Variants in DDX25 observed in about 807,000 individuals in gnomAD.
DDX25 encodes DEAD-box helicase 25, also known as ATP-dependent RNA helicase DDX25.
Under a neutral mutation model 64.6 loss-of-function variants are expected in DDX25, and 70 were observed. That is an observed-to-expected ratio of 1.08 (90% CI 0.89 to 1.32). DDX25 has a LOEUF of 1.32. Ranked by LOEUF, DDX25 falls within the 40% of genes most tolerant of loss-of-function variation. DDX25 has a pLI of 0.00. For missense variants in DDX25, 587 were observed against 604.4 expected, an observed-to-expected ratio of 0.97 and a Z score of 0.30; for synonymous variants, 211 against 213.3, an observed-to-expected ratio of 0.99 and a Z score of 0.09.
At chr11:125,913,030 C>T (rs1241444045) in intron 8 of DDX25, among the ~76,000 whole-genome samples, 3 of 151,756 alleles carry the variant, frequency 2.0e-5, no homozygotes, top group Non-Finnish European at 4.4e-5. Flanking sequence ...TGGTGGCAGA[C>T]GCCTGTAGTC....
intron 5 of DDX25, 34 bp from the exon 6 acceptor site, chr11:125,908,367 C>A: frequency 6.2e-7 from 1 of 1,613,370 alleles, no homozygotes; most frequent in African/African-American, 1.3e-5. Context: ...CTCTTGTATT[C>A]AGTTTATGCC....
Position 125,921,451 on chromosome 11 carries a change from C to T in DDX25, c.1390+72C>T. 2.6e-6 allele frequency: 4 copies of T among 1,522,010 alleles called. No homozygotes were observed. The highest frequency in any genetic ancestry group is 3.5e-6 in the Non-Finnish European group (4 of 1,130,282). 94.3% of individuals were successfully genotyped at this position (1,522,010 alleles called of 1,614,324 possible). On this transcript the variant is annotated intron_variant, in intron 11 of 11. Coordinates refer to ENST00000263576, the MANE Select transcript of DDX25 (RefSeq NM_013264.5). The surrounding 1 kb of genome is among the most constrained non-coding windows in gnomAD (Gnocchi z 4.1). Reference sequence around the variant, plus strand: ...GACAGTGATGATGTGTGCTGGAGAGCTGGAGTCCAGGGGCTCATGAGAGTA... The same window carrying T: ...GACAGTGATGATGTGTGCTGGAGAGTTGGAGTCCAGGGGCTCATGAGAGTA...
rs767768323 is a variant in DDX25 at position 125,917,284 on chromosome 11, A to G, written c.1038+33A>G. ...CTGTGGATGTGTCTTCATCGAGCCC[A>G]GATATGCCTACAGGCCGAGGTGGGG... On this transcript the variant is annotated intron_variant, in intron 9 of 11. Coordinates refer to ENST00000263576, the MANE Select transcript of DDX25 (RefSeq NM_013264.5). The G allele has an allele frequency of 2.2e-5, 34 of 1,559,224 alleles. 1 individual carries two copies. In the East Asian group the frequency reaches 8.0e-4, roughly 37 times the overall value.
intron 8 of DDX25, among the ~76,000 whole-genome samples, chr11:125,914,368 C>T (rs1056456622): frequency 6.6e-6 from 1 of 152,188 alleles, no homozygotes; most frequent in African/African-American, 2.4e-5. Context: ...TGGTTGCTGA[C>T]ATTCTGGGAG....
intron 3 of DDX25, 96 bp from the exon 4 acceptor site, chr11:125,905,978 C>A (rs1214100578): frequency 2.8e-6 from 4 of 1,407,244 alleles, no homozygotes; most frequent in Admixed American, 2.9e-5. Context: ...AGCGTAGGTG[C>A]AATTGCTTGG....
At chr11:125,915,847 G>A (rs1945030556) in intron 8 of DDX25, among the ~76,000 whole-genome samples, 1 of 152,192 alleles carries the variant, frequency 6.6e-6, no homozygotes, top group African/African-American at 2.4e-5. Context: ...TGCTCATGGT[G>A]TAGCTTCATC....
Position 125,906,093 on chromosome 11 carries a change from A to G in DDX25, c.195A>G (p.Ser65=). 4 of 1,535,850 alleles carry G rather than the reference A, an allele frequency of 2.6e-6. No homozygotes were observed. The highest frequency in any genetic ancestry group is 1.7e-6 in the Non-Finnish European group (2 of 1,143,194). ...EEDVVDLAAN[S]LLNKLIHQSL... ...TTCTAGTGGATTTGGCAGCTAATTC[A>G]CTCTTAAACAAGTTAATCCATCAAT... The change falls in exon 4 of 12, where the codon TCA becomes TCG. Residue 65 remains serine (S), a synonymous_variant. Transcript: ENST00000263576.
At chr11:125,908,339 TTTCAGTTTATGCCCACTCTCTTGTA>T (rs754590022) in intron 5 of DDX25, 37 bp from the exon 6 acceptor site, 7 of 1,613,000 alleles carry the variant, frequency 4.3e-6, no homozygotes, top group African/African-American at 1.3e-5. Context: ...AGTTTCTTAT[TTTCAGTTTATGCCCACTCTCTTGTA>T]TTCAGTTTAT....
intron 10 of DDX25, 83 bp downstream of exon 10, chr11:125,918,873 C>T (rs993557352): frequency 3.4e-5 from 48 of 1,411,700 alleles, no homozygotes; most frequent in South Asian, 1.5e-4. Flanking sequence ...TCGCGAGTTT[C>T]GACAAACATG....
rs1406000468 is a variant in DDX25 at position 125,926,326 on chromosome 11, CCT to C, written c.*3449_*3450del. On this transcript the variant is annotated 3_prime_UTR_variant, in exon 12 of 12. Coordinates refer to ENST00000263576, the MANE Select transcript of DDX25 (RefSeq NM_013264.5). ...AGGTCAGATCCTCTTCAATCCTAACCCTCTCACTTCAACTCTCCACTACTTCT... is the reference window on the plus strand; with the variant it reads ...AGGTCAGATCCTCTTCAATCCTAACCCTCACTTCAACTCTCCACTACTTCT... 6.6e-6 allele frequency: 1 copy of C among 152,154 alleles called. No homozygotes were observed. The highest frequency in any genetic ancestry group is 6.5e-5 in the Admixed American group (1 of 15,270). 9.4% of individuals were successfully genotyped at this position (152,154 alleles called of 1,614,324 possible).
At chr11:125,915,694 G>A (rs141995675) in intron 8 of DDX25, among the ~76,000 whole-genome samples, 1 of 152,344 alleles carries the variant, frequency 6.6e-6, no homozygotes, top group East Asian at 1.9e-4. Flanking sequence ...GGAATGCAGA[G>A]TTTTCCTCAT....
In DDX25 at chr11:125,923,237, G is replaced by A. The variant is rs1945136294; in HGVS notation, c.*356G>A. ...CACAAGAGGGCGGTAGAGCTTCGCTGATTTTGGAAGCGGAGCGAGTAGGAA... is the reference window on the plus strand; with the variant it reads ...CACAAGAGGGCGGTAGAGCTTCGCTAATTTTGGAAGCGGAGCGAGTAGGAA... On this transcript the variant is annotated 3_prime_UTR_variant, in exon 12 of 12. Transcript: ENST00000263576. 1.6e-5 allele frequency: 3 copies of A among 182,240 alleles called. No individual in the cohort carries two copies. Among genetic ancestry groups the A allele is most frequent in the Admixed American group, 6.0e-5 (1 of 16,644 alleles). The allele number at this position is 182,240 out of a possible 1,614,324, so 11.3% of individuals were successfully genotyped here.
chr11:125,927,196 C>T lies in DDX25; in HGVS notation c.*4315C>T, dbSNP rs1396796826. ...ACTTTTAGATTCTTCTAGTGAAATA[C>T]AGAAAACACACGTGAACTGGGATGA... On this transcript the variant is annotated 3_prime_UTR_variant, in exon 12 of 12. Coordinates refer to ENST00000263576, the MANE Select transcript of DDX25 (RefSeq NM_013264.5). The T allele has an allele frequency of 2.0e-5, 3 of 152,220 alleles. No homozygotes were observed. Among genetic ancestry groups the T allele is most frequent in the African/African-American group, 7.2e-5 (3 of 41,450 alleles). 9.4% of individuals were successfully genotyped at this position (152,220 alleles called of 1,614,324 possible). A position where few individuals can be genotyped will look rare whatever the true frequency, so the allele number is the denominator to read the frequency against.
intron 11 of DDX25, chr11:125,922,603 C>T (rs1945128931): frequency 2.2e-6 from 1 of 444,606 alleles, no homozygotes; most frequent in African/African-American, 2.0e-5. Flanking sequence ...CTCTGGCCTT[C>T]TCTGCCCCAG....
At chr11:125,915,378 T>TA in intron 8 of DDX25, among the ~76,000 whole-genome samples, 1 of 152,340 alleles carries the variant, frequency 6.6e-6, no homozygotes, top group Middle Eastern at 3.4e-3. Flanking sequence ...AAAATATCTC[T>TA]TCAACAAGTT....
rs1240654136 is a variant in DDX25 at position 125,925,701 on chromosome 11, G to A, written c.*2820G>A. The A allele has an allele frequency of 1.9e-5, 6 of 323,050 alleles. No individual in the cohort carries two copies. The highest frequency in any genetic ancestry group is 4.8e-5 in the South Asian group (2 of 41,240). The allele number at this position is 323,050 out of a possible 1,614,324, so 20.0% of individuals were successfully genotyped here. A position where few individuals can be genotyped will look rare whatever the true frequency, so the allele number is the denominator to read the frequency against. The stretch of plus-strand genomic sequence containing the variant: ...TTAGCATATTGAAATTCATGATTAC[G>A]TAGAGCAGGACTGTGATTTCCAGTG... On this transcript the variant is annotated 3_prime_UTR_variant, in exon 12 of 12. Transcript: ENST00000263576.
chr11:125,907,394 G>T (rs1057124215), intron 4 of DDX25, among the ~76,000 whole-genome samples: 1 of 152,118 alleles, frequency 6.6e-6, no homozygotes, highest in African/African-American at 2.4e-5. Flanking sequence ...GGATCACGAG[G>T]TCAGGAGATC....
chr11:125,906,697 G>A (rs910762424), intron 4 of DDX25, among the ~76,000 whole-genome samples: 5 of 151,152 alleles, frequency 3.3e-5, no homozygotes, highest in African/African-American at 7.3e-5. Context: ...ATGGTGGCGC[G>A]CACCTGTAAT....
rs1028654915 is a variant in DDX25 at position 125,904,778 on chromosome 11, T to C, written c.63+198T>C. 1.3e-5 allele frequency: 9 copies of C among 693,736 alleles called. No homozygotes were observed. The African/African-American group carries it at 1.6e-4, about 13-fold the overall frequency. The allele number at this position is 693,736 out of a possible 1,614,324, so 43.0% of individuals were successfully genotyped here. A position where few individuals can be genotyped will look rare whatever the true frequency, so the allele number is the denominator to read the frequency against. On this transcript the variant is annotated intron_variant, in intron 1 of 11. Transcript: ENST00000263576. ...CCACCCCCACGAGAGGCAAGACCTT[T>C]GGTTAGAAAGGGCAAAAATGACGAC...
Sources: gnomAD v4.1 joint callset for allele counts (sites outside exome capture counted in the v4.1 genomes callset) on GRCh38, gnomAD v4.1.1 for gene constraint, Gnocchi (gnomAD v3.1) non-coding constraint, MANE v1.5 for transcripts, NCBI Gene and HGNC (gene_info 2026-07-23, HGNC 2026-07-21) for gene names.